Variants in PHACTR1 observed in about 807,000 individuals in gnomAD.
The protein encoded by PHACTR1 is phosphatase and actin regulator 1.
In PHACTR1, 16 loss-of-function variants were observed where a neutral mutation model predicts 69.2. The ratio of observed to expected loss-of-function variants is 0.23; its 90% CI spans 0.16 to 0.35. PHACTR1 has a LOEUF of 0.35. Ranked by LOEUF, PHACTR1 falls within the 10% of genes least tolerant of loss-of-function variation. PHACTR1 has a pLI of 1.00. For synonymous variants in PHACTR1, 312 were observed against 284.5 expected, an observed-to-expected ratio of 1.10 and a Z score of -0.97; for missense variants, 510 against 734.7, an observed-to-expected ratio of 0.69 and a Z score of 3.54.
intron 4 of PHACTR1, among the ~76,000 whole-genome samples, chr6:12,755,013 A>G (rs758255850): frequency 6.6e-6 from 1 of 152,222 alleles, no homozygotes; most frequent in Non-Finnish European, 1.5e-5. Context: ...TGTAATTAAC[A>G]CTATGAGTAA....
intron 7 of PHACTR1, among the ~76,000 whole-genome samples, chr6:13,196,851 C>T (rs893752966): frequency 1.3e-5 from 2 of 152,176 alleles, no homozygotes; most frequent in Admixed American, 6.5e-5. Context: ...GGAAGTCTTT[C>T]GCAAGCCTCT....
intron 4 of PHACTR1, chr6:12,933,729 A>C: frequency 6.2e-7 from 1 of 1,612,764 alleles, no homozygotes; most frequent in Non-Finnish European, 8.5e-7. Flanking sequence ...TCCCTGGAAA[A>C]CCACGGCCTC....
chr6:12,903,203 C>A (rs4714955), intron 4 of PHACTR1, among the ~76,000 whole-genome samples: 2 of 151,776 alleles, frequency 1.3e-5, no homozygotes, highest in Non-Finnish European at 2.9e-5. Flanking sequence ...GTGGGAATGC[C>A]GTCAAGGGTT....
chr6:12,887,983 G>C (rs1783804903), intron 4 of PHACTR1, among the ~76,000 whole-genome samples: 1 of 140,820 alleles, frequency 7.1e-6, no homozygotes, highest in South Asian at 2.3e-4. Context: ...TGAAGCAGGA[G>C]AATTGCTTGA....
intron 4 of PHACTR1, among the ~76,000 whole-genome samples, chr6:12,832,536 T>C (rs1245019768): frequency 6.6e-6 from 1 of 152,128 alleles, no homozygotes; most frequent in African/African-American, 2.4e-5. Flanking sequence ...CTTTGGGGTT[T>C]TTTTTCAACC....
chr6:12,880,940 T>C (rs1783031913), intron 4 of PHACTR1, among the ~76,000 whole-genome samples: 1 of 152,090 alleles, frequency 6.6e-6, no homozygotes, highest in African/African-American at 2.4e-5. Flanking sequence ...CATGTAGATT[T>C]TTAAAAAAGA....
chr6:13,215,435 G>C (rs377262642), intron 8 of PHACTR1, among the ~76,000 whole-genome samples: 1 of 152,226 alleles, frequency 6.6e-6, no homozygotes, highest in Admixed American at 6.5e-5. Context: ...ATGGGAATGA[G>C]AGAACATTTA....
Position 13,119,342 on chromosome 6 carries a change from G to A in PHACTR1, c.416-40862G>A, listed in dbSNP as rs114133629. On this transcript the variant is annotated intron_variant, in intron 5 of 14. Transcript: ENST00000332995. ...TCAGAATTGACTTGAGATTTTTCACGTATAAAGTTTACCAATTTCATGATA... is the reference window on the plus strand; with the variant it reads ...TCAGAATTGACTTGAGATTTTTCACATATAAAGTTTACCAATTTCATGATA... Among the ~76,000 whole-genome samples the A allele has an allele frequency of 7.5e-3, 1,138 of 152,280 alleles. 13 individuals are homozygous for A. The highest frequency in any genetic ancestry group is 0.026 in the African/African-American group (1,065 of 41,564).
chr6:12,828,110 T>C (rs1777005575), intron 4 of PHACTR1, among the ~76,000 whole-genome samples: 1 of 152,200 alleles, frequency 6.6e-6, no homozygotes, highest in Non-Finnish European at 1.5e-5. Context: ...CCAATCCCAG[T>C]TGGCTGAGTG....
chr6:12,746,487 G>T (rs775443406), intron 3 of PHACTR1, among the ~76,000 whole-genome samples: 1 of 152,142 alleles, frequency 6.6e-6, no homozygotes, highest in Non-Finnish European at 1.5e-5. Context: ...GCAGTGAGTC[G>T]AGACTGCATC....
At chr6:13,278,666 G>C (rs1779473736) in intron 12 of PHACTR1, among the ~76,000 whole-genome samples, 1 of 152,194 alleles carries the variant, frequency 6.6e-6, no homozygotes, top group African/African-American at 2.4e-5. Flanking sequence ...ATCAAAATCA[G>C]TAGTTCAAAG....
chr6:13,273,186 A>G, intron 11 of PHACTR1: 1 of 440,276 alleles, frequency 2.3e-6, no homozygotes, highest in Non-Finnish European at 4.0e-6. Context: ...AAGCTGAAAA[A>G]TTAGAGTGAG....
chr6:12,998,322 A>G (rs1419955497), intron 4 of PHACTR1, among the ~76,000 whole-genome samples: 2 of 152,234 alleles, frequency 1.3e-5, no homozygotes, highest in Non-Finnish European at 2.9e-5. Context: ...AATTTATTTA[A>G]AAGTCCAAAA....
chr6:13,278,188 A>G (rs1029368864), intron 11 of PHACTR1, 80 bp from the exon 12 acceptor site: 28 of 1,354,878 alleles, frequency 2.1e-5, no homozygotes, highest in African/African-American at 4.4e-5. Flanking sequence ...CTTGGCCTAG[A>G]GCCTGCCAAG....
intron 5 of PHACTR1, among the ~76,000 whole-genome samples, chr6:13,139,731 C>T (rs1227561482): frequency 6.6e-6 from 1 of 152,100 alleles, no homozygotes; most frequent in Non-Finnish European, 1.5e-5. Flanking sequence ...ATAATTTCAG[C>T]AAAGCTACTG....
intron 4 of PHACTR1, among the ~76,000 whole-genome samples, chr6:12,927,306 TA>T (rs1475069493): frequency 6.6e-6 from 1 of 152,214 alleles, no homozygotes; most frequent in Non-Finnish European, 1.5e-5. Context: ...CTCTAGACTA[TA>T]AACTCTTTGG....
intron 5 of PHACTR1, among the ~76,000 whole-genome samples, chr6:13,086,004 C>G (rs1812212987): frequency 7.5e-6 from 1 of 132,492 alleles, no homozygotes; most frequent in South Asian, 2.4e-4. Context: ...AGCCTAAAAA[C>G]AGTTATTTGA....
chr6:13,247,708 T>C (rs1373358983), intron 10 of PHACTR1, among the ~76,000 whole-genome samples: 18 of 151,898 alleles, frequency 1.2e-4, no homozygotes, highest in Admixed American at 1.2e-3. Flanking sequence ...TAACATGACA[T>C]TGTGGAAGCT....
chr6:13,046,482 C>A (rs1171377720), intron 4 of PHACTR1, among the ~76,000 whole-genome samples: 1 of 152,042 alleles, frequency 6.6e-6, no homozygotes, highest in Admixed American at 6.6e-5. Context: ...CGCAGAAGAG[C>A]CTGAAAGAAG....
Sources: gnomAD v4.1 joint callset for allele counts (sites outside exome capture counted in the v4.1 genomes callset) on GRCh38, gnomAD v4.1.1 for gene constraint, MANE v1.5 for transcripts, NCBI Gene and HGNC (gene_info 2026-07-23, HGNC 2026-07-21) for gene names.